RBFOX1: variants seen among roughly 807,000 people sequenced by gnomAD.
RBFOX1 encodes RNA binding fox-1 homolog 1.
RBFOX1 carries 8 observed loss-of-function variants against 57.7 expected under a neutral mutation model. That is an observed-to-expected ratio of 0.14 (90% CI 0.08 to 0.25). The LOEUF is 0.25. Ranked by LOEUF, RBFOX1 falls within the 10% of genes least tolerant of loss-of-function variation. RBFOX1 has a pLI of 1.00. For synonymous variants in RBFOX1, 326 were observed against 222.4 expected (o/e 1.47, Z -4.15); for missense variants, 611 against 548.5 (o/e 1.11, Z -1.14).
chr16:6,959,290 C>A (rs776454346), intron 3 of RBFOX1, among the ~76,000 whole-genome samples: 3 of 152,126 alleles, frequency 2.0e-5, no homozygotes, highest in Non-Finnish European at 4.4e-5. Context: ...GGAGCCAGTA[C>A]AGTCATATTA....
At chr16:6,781,308 A>G (rs1386652241) in intron 3 of RBFOX1, among the ~76,000 whole-genome samples, 1 of 152,040 alleles carries the variant, frequency 6.6e-6, no homozygotes, top group African/African-American at 2.4e-5. Context: ...GATCTTTTTA[A>G]TATGTTGAAT....
intron 4 of RBFOX1, among the ~76,000 whole-genome samples, chr16:7,159,714 A>C (rs190563901): frequency 3.3e-5 from 5 of 152,196 alleles, no homozygotes; most frequent in African/African-American, 1.2e-4. Context: ...GTGGCTGGCT[A>C]GTCTGTTGGA....
intron 3 of RBFOX1, among the ~76,000 whole-genome samples, chr16:6,782,632 G>C (rs1034563283): frequency 6.6e-6 from 1 of 152,114 alleles, no homozygotes; most frequent in African/African-American, 2.4e-5. Flanking sequence ...TCTGAGACTT[G>C]TGTTTCGGCC....
rs142469950 is a variant in RBFOX1, at chr16:6,543,535, C to T, written c.-63-111068C>T. On this transcript the variant is annotated intron_variant, in intron 2 of 15. Coordinates refer to ENST00000550418, the MANE Select transcript of RBFOX1 (RefSeq NM_018723.4). ...CTTTCCGCCTGCATTTTGGGCTTTG[C>T]GCTTTTTATACCTTACTGTGGCTCC... 4.1e-4 allele frequency among the ~76,000 whole-genome samples: 63 copies of T among 152,224 alleles called. 1 individual carries two copies. The highest frequency in any genetic ancestry group is 1.2e-3 in the African/African-American group (50 of 41,534).
At chr16:5,305,178 C>T (rs10852654) in intron 1 of RBFOX1, among the ~76,000 whole-genome samples, 121,724 of 152,002 alleles carry the variant, frequency 0.8, 48,952 homozygotes, top group East Asian at 0.93. Flanking sequence ...TGGGACCAAG[C>T]TGAGTACCAC....
intron 4 of RBFOX1, among the ~76,000 whole-genome samples, chr16:7,105,208 T>C (rs74494534): frequency 0.24 from 36,228 of 151,854 alleles, 4,543 homozygotes; most frequent in East Asian, 0.48. Flanking sequence ...CAGTAGTCTA[T>C]GGAGATTGGC....
In RBFOX1 at chr16:5,497,622, C is replaced by CAAAAAAAAAAAAAA. The variant is rs911723996; in HGVS notation, c.258+30371_258+30384dup. Among the ~76,000 whole-genome samples, 167 of 53,380 alleles carry CAAAAAAAAAAAAAA rather than the reference C, an allele frequency of 3.1e-3. 3 individuals carry two copies. Among genetic ancestry groups the CAAAAAAAAAAAAAA allele is most frequent in the African/African-American group, 0.018 (161 of 8,994 alleles). The allele number at this position is 53,380 out of a possible 152,430, so 35.0% of individuals were successfully genotyped here. On this transcript the variant is annotated intron_variant, in intron 2 of 2. Transcript: ENST00000585867. ...TGAAACCCTATCTCTACTAAAAATA[C>CAAAAAAAAAAAAAA]AAAAAAAAAAAAAAAAGCTGGGCAT...
intron 3 of RBFOX1, among the ~76,000 whole-genome samples, chr16:5,839,952 T>C (rs1185705349): frequency 6.6e-6 from 1 of 152,012 alleles, no homozygotes; most frequent in Admixed American, 6.6e-5. Context: ...AGAAGGTGAG[T>C]TGGAATGATT....
intron 1 of RBFOX1, among the ~76,000 whole-genome samples, chr16:5,262,436 G>T (rs1341821258): frequency 1.3e-5 from 2 of 152,214 alleles, no homozygotes; most frequent in Non-Finnish European, 2.9e-5. Context: ...CAGAGAATTT[G>T]CTCTCTTTAC....
chr16:7,209,892 C>G (rs2090774418), intron 4 of RBFOX1, among the ~76,000 whole-genome samples: 1 of 152,168 alleles, frequency 6.6e-6, no homozygotes, highest in Non-Finnish European at 1.5e-5. Flanking sequence ...AAATGCCTGA[C>G]CCCTAGTGCA....
chr16:6,918,063 G>C (rs1012196672), intron 3 of RBFOX1, among the ~76,000 whole-genome samples: 4 of 152,270 alleles, frequency 2.6e-5, no homozygotes, highest in African/African-American at 9.6e-5. Context: ...GAGGCGGGTG[G>C]ATCGCTTGAG....
chr16:6,584,595 C>T (rs755760059), intron 2 of RBFOX1, among the ~76,000 whole-genome samples: 1 of 151,924 alleles, frequency 6.6e-6, no homozygotes, highest in Non-Finnish European at 1.5e-5. Flanking sequence ...TCTCAAACTC[C>T]TCACCTCAAA....
chr16:5,249,514 T>C (rs1376021249), intron 1 of RBFOX1, among the ~76,000 whole-genome samples: 1 of 152,254 alleles, frequency 6.6e-6, no homozygotes, highest in Admixed American at 6.5e-5. Context: ...CTCTGTTCTA[T>C]GTTGTCCTGA....
intron 2 of RBFOX1, among the ~76,000 whole-genome samples, chr16:6,535,181 C>G (rs1599130334): frequency 6.6e-6 from 1 of 152,146 alleles, no homozygotes; most frequent in African/African-American, 2.4e-5. Context: ...TGTGTGAGCA[C>G]TCAAAGTCTC....
intron 9 of RBFOX1, among the ~76,000 whole-genome samples, chr16:7,598,371 G>A (rs968397910): frequency 2.0e-5 from 3 of 152,050 alleles, no homozygotes; most frequent in East Asian, 1.9e-4. Context: ...TGAATTGTGA[G>A]ACTGGCAAAC....
intron 3 of RBFOX1, among the ~76,000 whole-genome samples, chr16:6,849,520 T>C (rs979498466): frequency 2.0e-5 from 3 of 151,962 alleles, no homozygotes; most frequent in African/African-American, 7.3e-5. Context: ...AATACAAAAA[T>C]TAGCTGGGTA....
At chr16:6,444,476 TC>T (rs2094446088) in intron 2 of RBFOX1, among the ~76,000 whole-genome samples, 1 of 152,080 alleles carries the variant, frequency 6.6e-6, no homozygotes, top group Non-Finnish European at 1.5e-5. Flanking sequence ...AATGAATAAG[TC>T]TCATGAGATC....
rs185861265 is a variant in RBFOX1 at position 6,266,892 on chromosome 16, G to C, written c.-126-50103G>C. Among the ~76,000 whole-genome samples, 85 of 152,286 alleles carry C rather than the reference G, an allele frequency of 5.6e-4. 1 individual carries two copies. In the East Asian group the frequency reaches 9.4e-3, roughly 17 times the overall value. On this transcript the variant is annotated intron_variant, in intron 1 of 15. Coordinates refer to ENST00000550418, the MANE Select transcript of RBFOX1 (RefSeq NM_018723.4). ...ACATTCAGTTCTGTGCAGGCAGGAA[G>C]CTTGATTGATTCGCTTCTGAATTCC... is the stretch of plus-strand genomic sequence containing the variant.
chr16:5,978,861 A>AC (rs1010115335), intron 4 of RBFOX1, among the ~76,000 whole-genome samples: 2 of 151,906 alleles, frequency 1.3e-5, no homozygotes, highest in Non-Finnish European at 2.9e-5. Context: ...CGAGAGCTAC[A>AC]CCCCCAATAC....
Sources: gnomAD v4.1 joint callset for allele counts (sites outside exome capture counted in the v4.1 genomes callset) on GRCh38, gnomAD v4.1.1 for gene constraint, MANE v1.5 for transcripts, NCBI Gene and HGNC (gene_info 2026-07-23, HGNC 2026-07-21) for gene names.